The following KDM4C variants were observed in gnomAD, a reference collection of about 807,000 sequenced individuals.
KDM4C encodes lysine-specific demethylase 4C.
KDM4C carries 81 observed loss-of-function variants against 129.3 expected under a neutral mutation model. That is an observed-to-expected ratio of 0.63 (90% CI 0.52 to 0.75). The LOEUF is 0.75. KDM4C is among the 30% of genes least tolerant of loss of function. The pLI is 0.00. For missense variants in KDM4C, 1,457 were observed against 1,304.0 expected (o/e 1.12, Z -1.81); for synonymous variants, 573 against 456.1 (o/e 1.26, Z -3.26).
intron 5 of KDM4C, among the ~76,000 whole-genome samples, chr9:6,869,312 C>T (rs1302245000): frequency 6.6e-6 from 1 of 152,194 alleles, no homozygotes; most frequent in Non-Finnish European, 1.5e-5. Flanking sequence ...TTCTCAGGGG[C>T]TTTTAATCTC....
intron 4 of KDM4C, among the ~76,000 whole-genome samples, chr9:6,823,793 T>C (rs550918243): frequency 3.3e-5 from 5 of 152,296 alleles, no homozygotes; most frequent in African/African-American, 1.2e-4. Context: ...GTTGAAGAGA[T>C]TGGGACATGT....
At chr9:6,737,516 T>A (rs1328091799) in intron 1 of KDM4C, among the ~76,000 whole-genome samples, 1 of 151,158 alleles carries the variant, frequency 6.6e-6, no homozygotes, top group Non-Finnish European at 1.5e-5. Context: ...ATACAAAAAT[T>A]AGCTGGGCAT....
At chr9:6,734,747 G>C (rs572735157) in intron 1 of KDM4C, 1 of 353,144 alleles carries the variant, frequency 2.8e-6, no homozygotes, top group Non-Finnish European at 5.5e-6. Context: ...GATGTGACTT[G>C]TATATAAGCC....
At chr9:7,103,120 C>T (rs1232980257) in intron 17 of KDM4C, among the ~76,000 whole-genome samples, 1 of 152,068 alleles carries the variant, frequency 6.6e-6, no homozygotes, top group Non-Finnish European at 1.5e-5. Context: ...TTTTGTCAGT[C>T]ATGAAGGGTT....
At chr9:7,005,230 G>A (rs1563968695) in intron 12 of KDM4C, among the ~76,000 whole-genome samples, 1 of 152,128 alleles carries the variant, frequency 6.6e-6, no homozygotes, top group Non-Finnish European at 1.5e-5. Context: ...GAGGTCAGGA[G>A]TTCAAGACCA....
At chr9:6,875,025 G>A (rs1386710367) in intron 5 of KDM4C, among the ~76,000 whole-genome samples, 1 of 152,044 alleles carries the variant, frequency 6.6e-6, no homozygotes, top group East Asian at 1.9e-4. Context: ...GGATGCAGTT[G>A]CTGGTCCTGA....
At chr9:7,095,554 G>C (rs541423663) in intron 17 of KDM4C, among the ~76,000 whole-genome samples, 2 of 151,518 alleles carry the variant, frequency 1.3e-5, no homozygotes, top group African/African-American at 2.4e-5. Context: ...GCAATAGAGA[G>C]CTTGTAAGCC....
At chr9:6,827,367 C>T (rs1048384840) in intron 4 of KDM4C, among the ~76,000 whole-genome samples, 8 of 152,162 alleles carry the variant, frequency 5.3e-5, no homozygotes, top group African/African-American at 1.9e-4. Flanking sequence ...GAATTTTTGT[C>T]AGTTCCAGAT....
chr9:7,042,489 C>G (rs1296247527), intron 15 of KDM4C, among the ~76,000 whole-genome samples: 2 of 152,068 alleles, frequency 1.3e-5, no homozygotes, highest in Admixed American at 1.3e-4. Flanking sequence ...CAAATAGGAA[C>G]ACAAATTGTT....
chr9:6,969,685 C>T (rs550829511), intron 8 of KDM4C, among the ~76,000 whole-genome samples: 13 of 152,236 alleles, frequency 8.5e-5, no homozygotes, highest in East Asian at 7.7e-4. Flanking sequence ...TGGTTTCAAC[C>T]GTAGATGCAT....
rs560664085 is a variant in KDM4C, at chr9:7,015,051, A to G, written c.2183-802A>G. Among the ~76,000 whole-genome samples the G allele has an allele frequency of 2.6e-5, 4 of 152,186 alleles. No homozygotes were observed. The South Asian group carries it at 8.3e-4, about 32-fold the overall frequency. On this transcript the variant is annotated intron_variant, in intron 14 of 21. Coordinates refer to ENST00000381309, the MANE Select transcript of KDM4C (RefSeq NM_015061.6). Reference sequence around the variant, plus strand: ...AATGTAGCAGCTATGCAGTGTAGCCATACTATTTTATACACATATGCTTTA... The same window carrying G: ...AATGTAGCAGCTATGCAGTGTAGCCGTACTATTTTATACACATATGCTTTA...
Position 7,013,812 on chromosome 9 carries a change from G to C in KDM4C, c.1993G>C (p.Asp665His). 6.2e-7 allele frequency: 1 copy of C among 1,613,908 alleles called. No individual in the cohort carries two copies. The highest frequency in any genetic ancestry group is 8.5e-7 in the Non-Finnish European group (1 of 1,179,876). ...GCCAGATAGCAGCAATGAAGAAAAT[G>C]ATGCTAGATGGGAGACAAAATTAGA... is the stretch of plus-strand genomic sequence containing the variant. ...HKPDSSNEEN[D>H]ARWETKLDEV... Residue 665 changes from aspartate to histidine, a missense_variant, in exon 14 of 22, where the codon GAT becomes CAT. By Grantham distance (81) the Asp-to-His change is moderately conservative. Transcript: ENST00000381309.
chr9:6,861,824 G>A (rs1840987594), intron 5 of KDM4C, among the ~76,000 whole-genome samples: 1 of 150,398 alleles, frequency 6.6e-6, no homozygotes, highest in Non-Finnish European at 1.5e-5. Context: ...TGCCCAGGCT[G>A]CAGTGCAATG....
intron 8 of KDM4C, among the ~76,000 whole-genome samples, chr9:6,927,731 C>G (rs1822900413): frequency 6.6e-6 from 1 of 152,202 alleles, no homozygotes; most frequent in Middle Eastern, 3.2e-3. Flanking sequence ...GTGAACATGT[C>G]TCTCAGTTCC....
chr9:7,025,203 C>T (rs1328262848), intron 15 of KDM4C, among the ~76,000 whole-genome samples: 1 of 152,040 alleles, frequency 6.6e-6, no homozygotes, highest in Non-Finnish European at 1.5e-5. Context: ...GCTTTTGTCG[C>T]CATGGAATAT....
intron 5 of KDM4C, among the ~76,000 whole-genome samples, chr9:6,861,937 A>C: frequency 6.6e-6 from 1 of 151,612 alleles, no homozygotes. Flanking sequence ...ATGCCTGGCT[A>C]ATTTTTGTAT....
At chr9:6,837,086 C>G (rs1173083842) in intron 4 of KDM4C, among the ~76,000 whole-genome samples, 1 of 152,132 alleles carries the variant, frequency 6.6e-6, no homozygotes, top group Non-Finnish European at 1.5e-5. Context: ...AAGACAGGGT[C>G]TTGCCCTGTC....
At chr9:6,848,531 C>T (rs543120400) in intron 4 of KDM4C, among the ~76,000 whole-genome samples, 5 of 152,032 alleles carry the variant, frequency 3.3e-5, no homozygotes, top group South Asian at 4.2e-4. Context: ...TAGGTGGGTG[C>T]GGTGGCCTAC....
At chr9:7,079,878 T>G (rs1834336695) in intron 17 of KDM4C, among the ~76,000 whole-genome samples, 1 of 152,216 alleles carries the variant, frequency 6.6e-6, no homozygotes, top group African/African-American at 2.4e-5. Flanking sequence ...TTGATCTGCA[T>G]GAGAGTGAAC....
Sources: gnomAD v4.1 joint callset for allele counts (sites outside exome capture counted in the v4.1 genomes callset) on GRCh38, gnomAD v4.1.1 for gene constraint, MANE v1.5 for transcripts, NCBI Gene and HGNC (gene_info 2026-07-23, HGNC 2026-07-21) for gene names.